The following GRID1 variants were observed in gnomAD, a reference collection of about 807,000 sequenced individuals.
The protein encoded by GRID1 is glutamate ionotropic receptor delta type subunit 1.
A neutral mutation model predicts 98.0 loss-of-function variants in GRID1; 28 were observed. The ratio of observed to expected loss-of-function variants is 0.29; its 90% CI spans 0.21 to 0.39. The LOEUF (loss-of-function observed/expected upper bound fraction) is 0.39. Ranked by LOEUF, GRID1 falls within the 10% of genes least tolerant of loss-of-function variation. The probability of loss-of-function intolerance (pLI) is 1.00; values close to 1 mark genes in which losing one functional copy is unlikely to be tolerated. For missense variants in GRID1, 1,111 were observed against 1,340.5 expected, an observed-to-expected ratio of 0.83 and a Z score of 2.67; for synonymous variants, 553 against 538.5, an observed-to-expected ratio of 1.03 and a Z score of -0.37.
intron 5 of GRID1, among the ~76,000 whole-genome samples, chr10:85,910,997 G>T (rs1446557843): frequency 6.6e-6 from 1 of 152,130 alleles, no homozygotes; most frequent in Non-Finnish European, 1.5e-5. Context: ...AAAAATAAAT[G>T]CAAGAAAGAA....
intron 4 of GRID1, among the ~76,000 whole-genome samples, chr10:85,957,412 A>T (rs1198100949): frequency 6.6e-6 from 1 of 152,050 alleles, no homozygotes; most frequent in Non-Finnish European, 1.5e-5. Flanking sequence ...GCCCCACGAG[A>T]AAGCATTTAA....
intron 4 of GRID1, among the ~76,000 whole-genome samples, chr10:85,986,274 C>T (rs111332584): frequency 1.1e-4 from 17 of 152,326 alleles, no homozygotes; most frequent in East Asian, 3.9e-4. Context: ...TGTCTCAGAC[C>T]GCTTTTGTCT....
At chr10:85,651,368 A>G (rs1021987739) in intron 12 of GRID1, among the ~76,000 whole-genome samples, 1 of 152,180 alleles carries the variant, frequency 6.6e-6, no homozygotes. Flanking sequence ...GGCAAGCCGC[A>G]TGTCTAAGCT....
chr10:86,261,793 A>C (rs1443123792), intron 2 of GRID1, among the ~76,000 whole-genome samples: 3 of 152,158 alleles, frequency 2.0e-5, no homozygotes, highest in Non-Finnish European at 4.4e-5. Context: ...ACATCCGGGC[A>C]GCCACCAGCA....
intron 3 of GRID1, among the ~76,000 whole-genome samples, chr10:86,172,431 G>C (rs1028907781): frequency 3.9e-5 from 6 of 152,238 alleles, no homozygotes; most frequent in Admixed American, 6.5e-5. Flanking sequence ...TGCAGATAGG[G>C]AGTTACTGCC....
At chr10:86,250,631 T>C (rs12783520) in intron 2 of GRID1, among the ~76,000 whole-genome samples, 6,569 of 135,884 alleles carry the variant, frequency 0.048, 323 homozygotes, top group African/African-American at 0.13. Context: ...CCAGCTGCCC[T>C]GTCTGGGAGG....
At chr10:85,979,328 A>C (rs577261677) in intron 4 of GRID1, among the ~76,000 whole-genome samples, 1 of 152,254 alleles carries the variant, frequency 6.6e-6, no homozygotes, top group Non-Finnish European at 1.5e-5. Flanking sequence ...CTATATAAAG[A>C]GATGAGGGTG....
chr10:85,863,741 C>T (rs1348736078), intron 6 of GRID1, among the ~76,000 whole-genome samples: 3 of 152,178 alleles, frequency 2.0e-5, no homozygotes, highest in African/African-American at 4.8e-5. Flanking sequence ...GGAGGGTGTG[C>T]CTGCCGGGTG....
intron 4 of GRID1, among the ~76,000 whole-genome samples, chr10:86,026,162 T>A (rs912295629): frequency 1.3e-5 from 2 of 152,266 alleles, no homozygotes; most frequent in African/African-American, 2.4e-5. Flanking sequence ...ATAATTTATA[T>A]ACGTTTCACA....
At chr10:86,292,153 C>T (rs901366580) in intron 2 of GRID1, among the ~76,000 whole-genome samples, 11 of 152,284 alleles carry the variant, frequency 7.2e-5, no homozygotes, top group Non-Finnish European at 1.5e-4. Context: ...AGAAAAAGCA[C>T]GCACGCCCCA....
rs376718441 is a variant in GRID1, at chr10:86,182,925, G to A, written c.520+23439C>T. Among the ~76,000 whole-genome samples, 37 of 152,292 alleles carry A rather than the reference G, an allele frequency of 2.4e-4. 1 individual carries two copies. In the South Asian group the frequency reaches 7.7e-3, roughly 32 times the overall value. On this transcript the variant is annotated intron_variant, in intron 3 of 15. Coordinates refer to ENST00000327946, the MANE Select transcript of GRID1 (RefSeq NM_017551.3). ...GGCATGGACAAAGAACCCCTGTGAC[G>A]GGCAGCATGGTATCAGGAAAAGGCA... is the stretch of plus-strand genomic sequence containing the variant.
chr10:85,967,170 G>GT (rs1842348076), intron 4 of GRID1, among the ~76,000 whole-genome samples: 1 of 152,226 alleles, frequency 6.6e-6, no homozygotes, highest in Admixed American at 6.5e-5. Context: ...ATGTGGAACT[G>GT]TGAGTCAATT....
chr10:86,325,695 A>G (rs1848039316), intron 2 of GRID1, among the ~76,000 whole-genome samples: 1 of 152,232 alleles, frequency 6.6e-6, no homozygotes, highest in Non-Finnish European at 1.5e-5. Context: ...TCAGAAATTA[A>G]TTTGAATTGA....
chr10:86,277,149 C>G (rs1847284096), intron 2 of GRID1, among the ~76,000 whole-genome samples: 1 of 152,146 alleles, frequency 6.6e-6, no homozygotes, highest in African/African-American at 2.4e-5. Flanking sequence ...GTGGTGAAGG[C>G]TGCACAGCAA....
intron 4 of GRID1, among the ~76,000 whole-genome samples, chr10:86,109,397 G>A (rs768717006): frequency 4.6e-5 from 7 of 152,196 alleles, no homozygotes; most frequent in African/African-American, 9.6e-5. Context: ...CCAACACAAG[G>A]GGCCTTGTTA....
intron 12 of GRID1, among the ~76,000 whole-genome samples, chr10:85,687,958 T>C (rs1426866238): frequency 6.6e-6 from 1 of 152,010 alleles, no homozygotes; most frequent in Non-Finnish European, 1.5e-5. Context: ...AATGAGGGAG[T>C]TGGCTGTGAT....
intron 8 of GRID1, among the ~76,000 whole-genome samples, chr10:85,831,230 T>C (rs1281964712): frequency 6.6e-6 from 1 of 152,168 alleles, no homozygotes; most frequent in African/African-American, 2.4e-5. Flanking sequence ...ATACTATGTG[T>C]TCTCACTTAT....
At chr10:85,661,008 G>T (rs1840959730) in intron 12 of GRID1, among the ~76,000 whole-genome samples, 2 of 152,110 alleles carry the variant, frequency 1.3e-5, no homozygotes, top group African/African-American at 2.4e-5. Context: ...CCAGTCTGTG[G>T]GAAGCATCCA....
At chr10:85,893,519 G>A (rs925326007) in intron 5 of GRID1, among the ~76,000 whole-genome samples, 14 of 152,130 alleles carry the variant, frequency 9.2e-5, no homozygotes, top group Non-Finnish European at 2.1e-4. Context: ...CCAGAACTAA[G>A]AAGTGAATTT....
Sources: gnomAD v4.1 joint callset for allele counts (sites outside exome capture counted in the v4.1 genomes callset) on GRCh38, gnomAD v4.1.1 for gene constraint, MANE v1.5 for transcripts, NCBI Gene and HGNC (gene_info 2026-07-23, HGNC 2026-07-21) for gene names.